Variants in ZNF491 observed in about 807,000 individuals in gnomAD.
The protein encoded by ZNF491 is zinc finger protein 491.
In ZNF491, 22 loss-of-function variants were observed where a neutral mutation model predicts 34.7. That is an observed-to-expected ratio of 0.63 (90% CI 0.45 to 0.90). The LOEUF is 0.90. Ranked by LOEUF, ZNF491 falls within the 40% of genes least tolerant of loss-of-function variation. The probability of loss-of-function intolerance (pLI) is 0.00; values close to 1 mark genes in which losing one functional copy is unlikely to be tolerated. For missense variants in ZNF491, 559 were observed against 531.7 expected (o/e 1.05, Z -0.51); for synonymous variants, 148 against 174.3 (o/e 0.85, Z 1.19).
chr19:11,803,696 A>G (rs2145098397), intron 1 of ZNF491, among the ~76,000 whole-genome samples: 1 of 152,360 alleles, frequency 6.6e-6, no homozygotes, highest in South Asian at 2.1e-4. Flanking sequence ...GGAGAATGCC[A>G]CAAAGGTGAA....
chr19:11,805,323 C>T lies in ZNF491; in HGVS notation c.-7-624C>T, dbSNP rs780954628. Reference sequence around the variant, plus strand: ...ACTCGGGAGGTTGAGGCAGAAGAGTCGCTTGAATCCGGGAGGTGGAGGTTG... The same window carrying T: ...ACTCGGGAGGTTGAGGCAGAAGAGTTGCTTGAATCCGGGAGGTGGAGGTTG... On this transcript the variant is annotated intron_variant, in intron 2 of 2. Coordinates refer to ENST00000323169, the MANE Select transcript of ZNF491 (RefSeq NM_152356.4). 1.5e-4 allele frequency among the ~76,000 whole-genome samples: 22 copies of T among 148,900 alleles called. No homozygotes were observed. In the East Asian group the frequency reaches 2.4e-3, roughly 16 times the overall value.
chr19:11,800,817 G>A (rs897036812), intron 1 of ZNF491, among the ~76,000 whole-genome samples: 2 of 152,156 alleles, frequency 1.3e-5, no homozygotes. Flanking sequence ...GAGCCTAGGA[G>A]TTCAAGACCA....
At position 11,806,438 on chromosome 19, in the gene ZNF491, A is replaced by C. The variant is rs772881327; in HGVS notation, c.485A>C (p.Lys162Thr). The change falls in exon 3 of 3, where the codon AAA becomes ACA. Residue 162 changes from lysine (K) to threonine (T), a missense_variant. Physicochemically the swap from Lys to Thr is moderately conservative, Grantham distance 78. Transcript: ENST00000323169. Reference sequence around the variant, plus strand: ...ACTGGAGAGAAACGATATGAATGTAAACAATGTGGTAAAGCCTTCAGTTGG... The same window carrying C: ...ACTGGAGAGAAACGATATGAATGTACACAATGTGGTAAAGCCTTCAGTTGG... ...THTGEKRYEC[K>T]QCGKAFSWHS... 6.2e-7 allele frequency: 1 copy of C among 1,613,526 alleles called. No individual in the cohort carries two copies. The highest frequency in any genetic ancestry group is 8.5e-7 in the Non-Finnish European group (1 of 1,179,728).
rs1975605862 is a variant in ZNF491, at chr19:11,806,018, C to CCAGGAAACTTTCACCCA, written c.65_66insCAGGAAACTTTCACCCA (p.Glu23ArgfsTer10). The CCAGGAAACTTTCACCCA allele has an allele frequency of 1.2e-6, 2 of 1,612,878 alleles. No individual in the cohort carries two copies. Among genetic ancestry groups the CCAGGAAACTTTCACCCA allele is most frequent in the Non-Finnish European group, 1.7e-6 (2 of 1,179,558 alleles). Reference sequence around the variant, plus strand: ...TGTGGAGAAACTTTCACCCAGGTTCCGGAAGACATGCTGAACAAGAAAACT... The same window carrying CCAGGAAACTTTCACCCA: ...TGTGGAGAAACTTTCACCCAGGTTCCCAGGAAACTTTCACCCAGGAAGACATGCTGAACAAGAAAACT... On this transcript the variant is annotated frameshift_variant, in exon 3 of 3. Coordinates refer to ENST00000323169, the MANE Select transcript of ZNF491 (RefSeq NM_152356.4). LOFTEE classifies it high-confidence loss of function.
rs777100168 is a variant in ZNF491 at position 11,807,001 on chromosome 19, A to G, written c.1048A>G (p.Thr350Ala). 33 of 1,612,492 alleles carry G rather than the reference A, an allele frequency of 2.0e-5. No individual in the cohort carries two copies. The highest frequency in any genetic ancestry group is 2.8e-5 in the Non-Finnish European group (33 of 1,179,304). Residue 350 changes from threonine to alanine, a missense_variant, in exon 3 of 3, where the codon ACT becomes GCT. Transcript: ENST00000323169. Reference sequence around the variant, plus strand: ...CATTCGAATACATGGAAGGACTCACACTGGTGAGAAACCCTATGAATGTAA... The same window carrying G: ...CATTCGAATACATGGAAGGACTCACGCTGGTGAGAAACCCTATGAATGTAA... ...KYIRIHGRTH[T>A]GEKPYECKQC... is the part of the protein sequence containing the mutation.
chr19:11,801,127 C>G (rs1041515477), intron 1 of ZNF491, among the ~76,000 whole-genome samples: 1 of 151,940 alleles, frequency 6.6e-6, no homozygotes, highest in Non-Finnish European at 1.5e-5. Context: ...TCACTTGAGT[C>G]CAGAAGTTTA....
At chr19:11,805,409 C>CAAAAAAAAAAAAAAAAAAAAA (rs971587205) in intron 2 of ZNF491, among the ~76,000 whole-genome samples, 1 of 48,974 alleles carries the variant, frequency 2.0e-5, no homozygotes, top group Non-Finnish European at 4.3e-5. Context: ...AACTCCGTCT[C>CAAAAAAAAAAAAAAAAAAAAA]AAAAAAAAAA....
intron 2 of ZNF491, 29 bp from the exon 3 acceptor site, chr19:11,805,918 C>T (rs1975604547): frequency 1.3e-6 from 2 of 1,495,154 alleles, no homozygotes; most frequent in South Asian, 2.7e-5. Context: ...TAAACAGACC[C>T]TTAATTATGT....
At position 11,808,265 on chromosome 19, in the gene ZNF491, C is replaced by T; in HGVS notation, c.*998C>T. Among the ~76,000 whole-genome samples the T allele has an allele frequency of 6.6e-6, 1 of 151,682 alleles. No homozygotes were observed. The highest frequency in any genetic ancestry group is 1.9e-4 in the East Asian group (1 of 5,158). ...GGTGTGGTGGTGGATACCTGTAATC[C>T]CAGCTACTCGGGAGGCTGAGGCAGG... On this transcript the variant is annotated 3_prime_UTR_variant, in exon 3 of 3. Coordinates refer to ENST00000323169, the MANE Select transcript of ZNF491 (RefSeq NM_152356.4).
chr19:11,803,128 G>A (rs192511929), intron 1 of ZNF491, among the ~76,000 whole-genome samples: 7 of 151,892 alleles, frequency 4.6e-5, no homozygotes, highest in Admixed American at 6.6e-5. Context: ...GATTACAGGC[G>A]CCTGCCACCA....
chr19:11,800,493 A>G (rs1415536439), intron 1 of ZNF491, among the ~76,000 whole-genome samples: 1 of 151,384 alleles, frequency 6.6e-6, no homozygotes, highest in Non-Finnish European at 1.5e-5. Context: ...AATGTTATCA[A>G]CACCTCTGAA....
At position 11,804,685 on chromosome 19, in the gene ZNF491, A is replaced by G; in HGVS notation, c.-8+18A>G. On this transcript the variant is annotated intron_variant, in intron 2 of 2. Coordinates refer to ENST00000323169, the MANE Select transcript of ZNF491 (RefSeq NM_152356.4). Reference sequence around the variant, plus strand: ...CTGTATAGGTAGGGGTGACAATATTACCTCCCTCAGTGAATTGTAGAACAT... The same window carrying G: ...CTGTATAGGTAGGGGTGACAATATTGCCTCCCTCAGTGAATTGTAGAACAT... The G allele has an allele frequency of 1.7e-6, 2 of 1,187,704 alleles. No homozygotes were observed. Among genetic ancestry groups the G allele is most frequent in the Non-Finnish European group, 2.2e-6 (2 of 908,196 alleles). 73.6% of individuals were successfully genotyped at this position (1,187,704 alleles called of 1,614,324 possible). A position where few individuals can be genotyped will look rare whatever the true frequency, so the allele number is the denominator to read the frequency against.
intron 1 of ZNF491, among the ~76,000 whole-genome samples, chr19:11,803,689 G>C (rs1975578695): frequency 6.6e-6 from 1 of 152,208 alleles, no homozygotes; most frequent in Admixed American, 6.5e-5. Flanking sequence ...TTTTGCAGGA[G>C]AATGCCACAA....
chr19:11,800,105 G>A (rs1243859652), intron 1 of ZNF491, among the ~76,000 whole-genome samples: 1 of 152,166 alleles, frequency 6.6e-6, no homozygotes, highest in African/African-American at 2.4e-5. Context: ...AAGAATTAGG[G>A]AAGAGATTGT....
rs34687839 is a variant in ZNF491 at position 11,799,928 on chromosome 19, T to TAA, written c.-134+1214_-134+1215dup. ...GCCTGGCGACAGAGCGAGACTCTGT[T>TAA]AAAAAAAAAAAAAATTAGTCAGGTA... is the stretch of plus-strand genomic sequence containing the variant. On this transcript the variant is annotated intron_variant, in intron 1 of 2. Coordinates refer to ENST00000323169, the MANE Select transcript of ZNF491 (RefSeq NM_152356.4). Among the ~76,000 whole-genome samples the TAA allele has an allele frequency of 3.1e-3, 456 of 145,526 alleles. 1 individual carries two copies. The highest frequency in any genetic ancestry group is 0.025 in the Middle Eastern group (7 of 284).
intron 2 of ZNF491, among the ~76,000 whole-genome samples, chr19:11,805,248 A>G (rs1599281087): frequency 6.6e-6 from 1 of 151,952 alleles, no homozygotes; most frequent in East Asian, 1.9e-4. Flanking sequence ...TGTCGCTAGT[A>G]AAAGTATAAA....
At position 11,806,058 on chromosome 19, in the gene ZNF491, A is replaced by C. The variant is rs770082337; in HGVS notation, c.105A>C (p.Lys35Asn). 4 of 1,613,984 alleles carry C rather than the reference A, an allele frequency of 2.5e-6. No individual in the cohort carries two copies. The change falls in exon 3 of 3, where the codon AAA becomes AAC. Residue 35 changes from lysine to asparagine, a missense_variant. Transcript: ENST00000323169. ...MLNKKTLPGV[K>N]SCESGTCGEI... ...ACAAGAAAACTCTTCCTGGAGTAAA[A>C]TCATGTGAAAGTGGTACATGTGGAG...
rs368740884 is a variant in ZNF491, at chr19:11,806,443, T to A, written c.490T>A (p.Cys164Ser). 3 of 1,613,312 alleles carry A rather than the reference T, an allele frequency of 1.9e-6. No individual in the cohort carries two copies. The highest frequency in any genetic ancestry group is 1.7e-5 in the Admixed American group (1 of 59,900). The change falls in exon 3 of 3, where the codon TGT becomes AGT. Residue 164 changes from cysteine (C) to serine (S), a missense_variant. Transcript: ENST00000323169. Reference protein sequence around the residue: ...TGEKRYECKQCGKAFSWHSSV... With the variant: ...TGEKRYECKQSGKAFSWHSSV... Reference sequence around the variant, plus strand: ...AGAGAAACGATATGAATGTAAACAATGTGGTAAAGCCTTCAGTTGGCACAG... The same window carrying A: ...AGAGAAACGATATGAATGTAAACAAAGTGGTAAAGCCTTCAGTTGGCACAG...
At position 11,807,181 on chromosome 19, in the gene ZNF491, C is replaced by G; in HGVS notation, c.1228C>G (p.Pro410Ala). ...IHERIHTGEK[P>A]YQCKECGKAF... is the part of the protein sequence containing the mutation. ...TGAAAGAATTCACACTGGAGAGAAA[C>G]CTTACCAATGTAAGGAATGTGGGAA... Residue 410 changes from proline (P) to alanine (A), a missense_variant, in exon 3 of 3, where the codon CCT (proline) becomes GCT (alanine). Pro to Ala is a conservative substitution (Grantham distance 27). Transcript: ENST00000323169. The G allele has an allele frequency of 6.2e-7, 1 of 1,602,722 alleles. No individual in the cohort carries two copies. Among genetic ancestry groups the G allele is most frequent in the Non-Finnish European group, 8.5e-7 (1 of 1,175,884 alleles).
Sources: allele counts gnomAD v4.1 joint callset (sites outside exome capture counted in the v4.1 genomes callset), GRCh38; gene constraint gnomAD v4.1.1; transcripts MANE v1.5; gene names NCBI Gene and HGNC (gene_info 2026-07-23, HGNC 2026-07-21).